The following POM121C variants were observed in gnomAD, a reference collection of about 807,000 sequenced individuals.
The protein encoded by POM121C is nuclear envelope pore membrane protein POM 121C.
In POM121C, 20 loss-of-function variants were observed where a neutral mutation model predicts 66.4. The ratio of observed to expected loss-of-function variants is 0.30; its 90% CI spans 0.21 to 0.44. The LOEUF (loss-of-function observed/expected upper bound fraction) is 0.44. Among genes scored for constraint, POM121C ranks in the 20% least tolerant of loss-of-function variants. The pLI is 1.00. For synonymous variants in POM121C, 286 were observed against 528.0 expected, an observed-to-expected ratio of 0.54 and a Z score of 6.28; for missense variants, 580 against 1,225.7, an observed-to-expected ratio of 0.47 and a Z score of 7.87.
chr7:75,447,806 G>A (rs374763014), intron 3 of POM121C, among the ~76,000 whole-genome samples: 13 of 151,900 alleles, frequency 8.6e-5, no homozygotes, highest in Middle Eastern at 3.4e-3. Context: ...GGCGGATCAC[G>A]AGGTCAGGAG....
At chr7:75,472,754 C>A (rs187381777) in intron 3 of POM121C, among the ~76,000 whole-genome samples, 2 of 151,150 alleles carry the variant, frequency 1.3e-5, no homozygotes, top group Non-Finnish European at 2.9e-5. Context: ...TGCAGTGAGC[C>A]GAGATCATGC....
intron 3 of POM121C, among the ~76,000 whole-genome samples, chr7:75,455,579 G>T (rs1270319138): frequency 6.6e-6 from 1 of 150,722 alleles, no homozygotes; most frequent in African/African-American, 2.4e-5. Context: ...TTACAGGTGC[G>T]AGCCACCGCA....
At chr7:75,424,418 T>C (rs587718592) in intron 11 of POM121C, 108 bp downstream of exon 11, 20 of 1,491,104 alleles carry the variant, frequency 1.3e-5, no homozygotes, top group South Asian at 1.3e-4. Flanking sequence ...AACATGGAAC[T>C]CTACTTCGGA....
intron 1 of POM121C, among the ~76,000 whole-genome samples, chr7:75,485,510 G>C (rs1284983771): frequency 7.3e-6 from 1 of 136,424 alleles, no homozygotes; most frequent in African/African-American, 2.5e-5. Flanking sequence ...GCAGGTCTAA[G>C]GGGGGGGATC....
intron 1 of POM121C, among the ~76,000 whole-genome samples, chr7:75,481,169 T>C (rs587775091): frequency 6.7e-6 from 1 of 150,206 alleles, no homozygotes; most frequent in African/African-American, 2.4e-5. Flanking sequence ...CTTGCAATTT[T>C]TCTGAAAATC....
intron 3 of POM121C, among the ~76,000 whole-genome samples, chr7:75,462,034 G>A (rs1476203616): frequency 6.9e-6 from 1 of 144,104 alleles, no homozygotes; most frequent in East Asian, 1.9e-4. Context: ...CATGAGAACT[G>A]TAGAAAAATA....
At chr7:75,439,518 T>C (rs587694997) in intron 5 of POM121C, among the ~76,000 whole-genome samples, 14 of 152,306 alleles carry the variant, frequency 9.2e-5, no homozygotes, top group African/African-American at 3.1e-4. Context: ...CCAGCGCAGC[T>C]GGGACTACAA....
At chr7:75,440,811 G>C in intron 5 of POM121C, 143 bp downstream of exon 5, 1 of 1,372,830 alleles carries the variant, frequency 7.3e-7, no homozygotes, top group South Asian at 1.3e-5. Context: ...CTTGTTATTA[G>C]GTTCTCTCAT....
At chr7:75,471,493 C>T (rs1323408878) in intron 3 of POM121C, among the ~76,000 whole-genome samples, 24 of 152,002 alleles carry the variant, frequency 1.6e-4, no homozygotes, top group African/African-American at 5.3e-4. Context: ...CCACCATGCC[C>T]GGCCGAGACC....
chr7:75,421,955 G>A lies in POM121C; in HGVS notation c.2297C>T (p.Thr766Ile), dbSNP rs201031798. The change falls in exon 13 of 15, where the codon ACC (threonine) becomes ATC (isoleucine). Residue 766 changes from threonine to isoleucine, a missense_variant. By Grantham distance (89) the Thr-to-Ile change is moderately conservative. Transcript: ENST00000615331. ...CGCCGAGTGCGTGGCACCGCCAAAG[G>A]TAGGCTGGATGGGCGTAGGCACGTG... Reference protein sequence around the residue: ...PAHVPTPIQPTFGGATHSAFG... With the variant: ...PAHVPTPIQPIFGGATHSAFG... 3,346 of 1,613,244 alleles carry A rather than the reference G, an allele frequency of 2.1e-3. 17 individuals carry two copies. The highest frequency in any genetic ancestry group is 5.2e-3 in the South Asian group (477 of 90,984).
chr7:75,466,282 C>T (rs1465146918), intron 3 of POM121C, among the ~76,000 whole-genome samples: 2 of 150,204 alleles, frequency 1.3e-5, no homozygotes, highest in South Asian at 4.2e-4. Context: ...AAAATAACCA[C>T]AAAACAAGCA....
chr7:75,458,224 C>CT (rs1486296773), intron 3 of POM121C, among the ~76,000 whole-genome samples: 2 of 151,876 alleles, frequency 1.3e-5, no homozygotes, highest in Non-Finnish European at 2.9e-5. Flanking sequence ...GTGGAATACT[C>CT]TGAGGTTTCA....
intron 1 of POM121C, 89 bp downstream of exon 1, chr7:75,485,775 C>G (rs1792513002): frequency 9.4e-6 from 4 of 425,174 alleles, no homozygotes; most frequent in Middle Eastern, 7.4e-4. Flanking sequence ...CAATCGGGAC[C>G]CTCCCTCTGC....
chr7:75,458,087 CT>C (rs1159285225), intron 3 of POM121C, among the ~76,000 whole-genome samples: 5 of 151,930 alleles, frequency 3.3e-5, no homozygotes, highest in African/African-American at 9.7e-5. Context: ...GCAAGCTGCA[CT>C]TTTTTTTTCC....
At chr7:75,470,127 G>C (rs587636285) in intron 3 of POM121C, among the ~76,000 whole-genome samples, 2 of 149,530 alleles carry the variant, frequency 1.3e-5, no homozygotes, top group Non-Finnish European at 3.0e-5. Flanking sequence ...TGTTACCCAG[G>C]CTGGTCTCGA....
chr7:75,424,197 G>C lies in POM121C; in HGVS notation c.900C>G (p.Thr300=). 1 of 1,611,976 alleles carries C rather than the reference G, an allele frequency of 6.2e-7. No individual in the cohort carries two copies. The highest frequency in any genetic ancestry group is 1.1e-5 in the South Asian group (1 of 90,990). ...TAAATGAAGGCTGAGTGGTAGGTGG[G>C]GTCTCAGTGACAGAGTTCGAGGCAG... is the stretch of plus-strand genomic sequence containing the variant. The part of the protein sequence containing the change: ...SDAASNSVTE[T]PPTTQPSFTF... The change falls in exon 12 of 15, where the codon ACC becomes ACG. Residue 300 remains threonine, a synonymous_variant. Transcript: ENST00000615331.
intron 7 of POM121C, among the ~76,000 whole-genome samples, chr7:75,436,787 A>G (rs1272167282): frequency 6.6e-6 from 1 of 151,678 alleles, no homozygotes; most frequent in Admixed American, 6.6e-5. Context: ...AGAGCCAAGC[A>G]TTTTTTTCCT....
chr7:75,448,438 G>A (rs1186936921), intron 3 of POM121C, among the ~76,000 whole-genome samples: 2 of 140,488 alleles, frequency 1.4e-5, no homozygotes, highest in Admixed American at 1.5e-4. Flanking sequence ...AAATATAATT[G>A]AGGACTGATA....
At chr7:75,474,616 G>T (rs1400604730) in intron 3 of POM121C, 88 bp downstream of exon 3, 3 of 520,960 alleles carry the variant, frequency 5.8e-6, no homozygotes, top group Non-Finnish European at 1.1e-5. Flanking sequence ...GTGTTACTGA[G>T]GGTACCGAAT....
Sources: gnomAD v4.1 joint callset for allele counts (sites outside exome capture counted in the v4.1 genomes callset) on GRCh38, gnomAD v4.1.1 for gene constraint, MANE v1.5 for transcripts, NCBI Gene and HGNC (gene_info 2026-07-23, HGNC 2026-07-21) for gene names.